SMIM20: variants seen among roughly 807,000 people sequenced by gnomAD.
SMIM20 encodes small integral membrane protein 20.
In SMIM20, 3 loss-of-function variants were observed where a neutral mutation model predicts 8.7. The observed-to-expected ratio is 0.34, with a 90% CI of 0.16 to 0.89. The LOEUF is 0.89. SMIM20 is among the 40% of genes least tolerant of loss of function. The pLI is 0.49. For missense variants in SMIM20, 85 were observed against 84.8 expected, an observed-to-expected ratio of 1.00 and a Z score of -0.01; for synonymous variants, 44 against 33.6, an observed-to-expected ratio of 1.31 and a Z score of -1.07.
In SMIM20 at chr4:25,914,371, G is replaced by A. The variant is rs1420259558; in HGVS notation, c.58G>A (p.Ala20Thr). 6 of 1,547,806 alleles carry A rather than the reference G, an allele frequency of 3.9e-6. No homozygotes were observed. The highest frequency in any genetic ancestry group is 3.6e-5 in the South Asian group (3 of 83,618). The change falls in exon 1 of 3, where the codon GCC (alanine) becomes ACC (threonine). Residue 20 changes from alanine (A) to threonine (T), a missense_variant. Coordinates refer to ENST00000506197, the MANE Select transcript of SMIM20 (RefSeq NM_001145432.3). ...IFGGFISLIG[A>T]AFYPIYFRPL... ...CGGCGGCTTCATCTCCCTGATCGGC[G>A]CCGCCTTCTATCCCATCTACTTCCG...
At chr4:25,923,445 T>C (rs1364008450) in intron 1 of SMIM20, among the ~76,000 whole-genome samples, 1 of 152,212 alleles carries the variant, frequency 6.6e-6, no homozygotes, top group Non-Finnish European at 1.5e-5. Context: ...AGAAGGGGCT[T>C]GAGCTCATTT....
chr4:25,929,812 A>G lies in SMIM20; in HGVS notation c.*621A>G, dbSNP rs972413485. On this transcript the variant is annotated 3_prime_UTR_variant, in exon 3 of 3. Transcript: ENST00000506197. ...ATAGACATTAAAATGATTTATTTCT[A>G]CTTTGCAGTGGTGTCTTTTTGTAAA... is the stretch of plus-strand genomic sequence containing the variant. 2.6e-5 allele frequency: 4 copies of G among 152,240 alleles called. No homozygotes were observed. Among genetic ancestry groups the G allele is most frequent in the Admixed American group, 6.5e-5 (1 of 15,278 alleles). 9.4% of individuals were successfully genotyped at this position (152,240 alleles called of 1,614,324 possible). A position where few individuals can be genotyped will look rare whatever the true frequency, so the allele number is the denominator to read the frequency against.
intron 1 of SMIM20, among the ~76,000 whole-genome samples, chr4:25,921,565 G>A (rs755395676): frequency 1.3e-5 from 2 of 152,188 alleles, no homozygotes; most frequent in Non-Finnish European, 2.9e-5. Flanking sequence ...CATTTGGGTA[G>A]CTTTTGAGGC....
chr4:25,914,979 G>C (rs1008141084), intron 1 of SMIM20, among the ~76,000 whole-genome samples: 3 of 152,118 alleles, frequency 2.0e-5, no homozygotes, highest in Admixed American at 6.5e-5. Flanking sequence ...AATGGTGACT[G>C]GGGGAGCCAG....
At chr4:25,922,820 G>C (rs1007081605) in intron 1 of SMIM20, among the ~76,000 whole-genome samples, 2 of 152,184 alleles carry the variant, frequency 1.3e-5, no homozygotes, top group African/African-American at 4.8e-5. Flanking sequence ...CTTCACCTGT[G>C]CCAGCATGGA....
chr4:25,915,860 G>T lies in SMIM20; in HGVS notation c.109+1438G>T, dbSNP rs1359923064. On this transcript the variant is annotated intron_variant, in intron 1 of 2. Transcript: ENST00000506197. ...TGCTTGTCACAACTTGGGATGGGGC[G>T]GGGGGGGGGTCGAGTGTTGCTACTG... is the stretch of plus-strand genomic sequence containing the variant. Among the ~76,000 whole-genome samples the T allele has an allele frequency of 3.4e-3, 166 of 48,412 alleles. 13 individuals are homozygous for T. The highest frequency in any genetic ancestry group is 7.9e-3 in the Middle Eastern group (1 of 126). 31.8% of individuals were successfully genotyped at this position (48,412 alleles called of 152,430 possible).
At chr4:25,915,033 C>G (rs1459795967) in intron 1 of SMIM20, among the ~76,000 whole-genome samples, 15 of 152,188 alleles carry the variant, frequency 9.9e-5, no homozygotes, top group Admixed American at 9.8e-4. Flanking sequence ...TTTTACTGCA[C>G]TTCATTTCCA....
At chr4:25,922,545 C>T (rs368256262) in intron 1 of SMIM20, among the ~76,000 whole-genome samples, 5 of 152,318 alleles carry the variant, frequency 3.3e-5, no homozygotes, top group African/African-American at 2.4e-5. Flanking sequence ...GCCTCTCCAC[C>T]GTGGAAGGTC....
At position 25,915,859 on chromosome 4, in the gene SMIM20, CGG is replaced by C. The variant is rs1018553633; in HGVS notation, c.109+1446_109+1447del. 1.2e-4 allele frequency among the ~76,000 whole-genome samples: 5 copies of C among 40,256 alleles called. 2 individuals are homozygous for C. Among genetic ancestry groups the C allele is most frequent in the African/African-American group, 6.8e-4 (5 of 7,378 alleles). 26.4% of individuals were successfully genotyped at this position (40,256 alleles called of 152,430 possible). A position where few individuals can be genotyped will look rare whatever the true frequency, so the allele number is the denominator to read the frequency against. On this transcript the variant is annotated intron_variant, in intron 1 of 2. Transcript: ENST00000506197. ...TTGCTTGTCACAACTTGGGATGGGG[CGG>C]GGGGGGGGTCGAGTGTTGCTACTGG...
intron 1 of SMIM20, 68 bp from the exon 2 acceptor site, chr4:25,928,245 T>A (rs1352977206): frequency 2.7e-6 from 4 of 1,469,856 alleles, no homozygotes; most frequent in Admixed American, 2.1e-5. Context: ...CATTGGCCCA[T>A]GTAAATACAA....
chr4:25,921,401 G>T (rs1719200877), intron 1 of SMIM20, among the ~76,000 whole-genome samples: 1 of 152,134 alleles, frequency 6.6e-6, no homozygotes, highest in Non-Finnish European at 1.5e-5. Context: ...ACTCTACAGG[G>T]GTCTGTGGCT....
At chr4:25,923,254 C>T (rs1010475024) in intron 1 of SMIM20, among the ~76,000 whole-genome samples, 3 of 152,212 alleles carry the variant, frequency 2.0e-5, no homozygotes, top group African/African-American at 7.2e-5. Context: ...GGGAAGAGTA[C>T]AGATGGCTAA....
chr4:25,921,541 A>G (rs2109364212), intron 1 of SMIM20, among the ~76,000 whole-genome samples: 1 of 152,294 alleles, frequency 6.6e-6, no homozygotes, highest in East Asian at 1.9e-4. Flanking sequence ...AAGACAAGTT[A>G]GTTTGCTTTT....
At chr4:25,917,899 G>A (rs1719119019) in intron 1 of SMIM20, among the ~76,000 whole-genome samples, 2 of 151,400 alleles carry the variant, frequency 1.3e-5, no homozygotes, top group Admixed American at 1.3e-4. Context: ...CTCTGACACT[G>A]GTCAAGACTT....
Position 25,914,328 on chromosome 4 carries a change from G to C in SMIM20, c.15G>C (p.Leu5=). Residue 5 remains leucine, a synonymous_variant, in exon 1 of 3, where the codon CTG becomes CTC. Coordinates refer to ENST00000506197, the MANE Select transcript of SMIM20 (RefSeq NM_001145432.3). The part of the protein sequence containing the change: MSRN[L]RTALIFGGFI... ...GGCCTGACGCCATGTCCCGGAACCT[G>C]CGCACCGCGCTCATTTTCGGCGGCT... The C allele has an allele frequency of 6.4e-7, 1 of 1,550,632 alleles. No individual in the cohort carries two copies. The highest frequency in any genetic ancestry group is 8.7e-7 in the Non-Finnish European group (1 of 1,146,298).
chr4:25,926,603 A>G (rs143549987), intron 1 of SMIM20, among the ~76,000 whole-genome samples: 1 of 152,380 alleles, frequency 6.6e-6, no homozygotes, highest in Non-Finnish European at 1.5e-5. Context: ...GTTGCATCAT[A>G]AGAGGTTAGA....
chr4:25,928,166 A>G, intron 1 of SMIM20, 147 bp from the exon 2 acceptor site: 3 of 686,840 alleles, frequency 4.4e-6, no homozygotes, highest in Non-Finnish European at 6.9e-6. Context: ...CCACAACCTA[A>G]AAGCTTTGCA....
At chr4:25,916,169 A>G (rs186383917) in intron 1 of SMIM20, among the ~76,000 whole-genome samples, 1 of 152,198 alleles carries the variant, frequency 6.6e-6, no homozygotes, top group East Asian at 1.9e-4. Flanking sequence ...TAATATCTGC[A>G]TTTTTAACTA....
At chr4:25,921,297 G>T (rs993717686) in intron 1 of SMIM20, among the ~76,000 whole-genome samples, 1 of 152,136 alleles carries the variant, frequency 6.6e-6, no homozygotes, top group African/African-American at 2.4e-5. Flanking sequence ...ACTTTGGGAA[G>T]CTGACGCAGG....
Sources: allele counts gnomAD v4.1 joint callset (sites outside exome capture counted in the v4.1 genomes callset), GRCh38; gene constraint gnomAD v4.1.1; transcripts MANE v1.5; gene names NCBI Gene and HGNC (gene_info 2026-07-23, HGNC 2026-07-21).